Variants in MAP1B observed in about 807,000 individuals in gnomAD.
MAP1B encodes microtubule-associated protein 1B.
A neutral mutation model predicts 176.1 loss-of-function variants in MAP1B; 12 were observed. The observed-to-expected ratio is 0.07, with a 90% CI of 0.04 to 0.11. MAP1B has a LOEUF of 0.11. MAP1B is among the 10% of genes least tolerant of loss of function. The pLI is 1.00. For synonymous variants in MAP1B, 1,044 were observed against 1,135.0 expected, an observed-to-expected ratio of 0.92 and a Z score of 1.61; for missense variants, 2,523 against 2,990.5, an observed-to-expected ratio of 0.84 and a Z score of 3.65.
chr5:72,200,737 C>T (rs545416406), intron 5 of MAP1B, among the ~76,000 whole-genome samples: 3 of 152,184 alleles, frequency 2.0e-5, no homozygotes, highest in African/African-American at 7.2e-5. Context: ...CAGGGTAACA[C>T]AGGCCAGGAG....
In MAP1B at chr5:72,196,356, G is replaced by A. The variant is rs144088322; in HGVS notation, c.3001G>A (p.Glu1001Lys). 3.5e-5 allele frequency: 56 copies of A among 1,613,982 alleles called. No individual in the cohort carries two copies. The highest frequency in any genetic ancestry group is 5.0e-5 in the Admixed American group (3 of 59,996). ...ESVASGDDRA[E>K]EDMDEAIEKG... Reference sequence around the variant, plus strand: ...TGTGGCCAGTGGGGATGACCGAGCCGAAGAAGACATGGATGAGGCCATTGA... The same window carrying A: ...TGTGGCCAGTGGGGATGACCGAGCCAAAGAAGACATGGATGAGGCCATTGA... Residue 1001 changes from glutamate to lysine, a missense_variant, in exon 5 of 7, where the codon GAA becomes AAA. By Grantham distance (56) the Glu-to-Lys change is moderately conservative. Around this residue, in one of 4 missense-constraint regions of MAP1B, gnomAD observed 1,925 missense variants for 2,126.0 expected, o/e 0.91. Coordinates refer to ENST00000296755, the MANE Select transcript of MAP1B (RefSeq NM_005909.5). The surrounding 1 kb of genome is among the most constrained non-coding windows in gnomAD (Gnocchi z 5.3).
In MAP1B at chr5:72,200,113, A is replaced by G. The variant is rs1302645674; in HGVS notation, c.6758A>G (p.Lys2253Arg). ...TKTKKPGTKT[K>R]SSSPVKKSDG... ...ACCAAAAAGCCAGGTACAAAGACCA[A>G]GTCATCTTCACCTGTCAAAAAGAGT... The change falls in exon 5 of 7, where the codon AAG becomes AGG. Residue 2253 changes from lysine to arginine, a missense_variant. Transcript: ENST00000296755. 12 of 1,614,114 alleles carry G rather than the reference A, an allele frequency of 7.4e-6. No individual in the cohort carries two copies. The highest frequency in any genetic ancestry group is 9.3e-6 in the Non-Finnish European group (11 of 1,180,058).
At chr5:72,125,061 A>C (rs182830529) in intron 2 of MAP1B, among the ~76,000 whole-genome samples, 2 of 152,132 alleles carry the variant, frequency 1.3e-5, no homozygotes, top group African/African-American at 4.8e-5. Flanking sequence ...AAAACCTCTC[A>C]CTTGGAAGTT....
intron 4 of MAP1B, among the ~76,000 whole-genome samples, chr5:72,188,958 G>A (rs1580015078): frequency 6.6e-6 from 1 of 152,248 alleles, no homozygotes; most frequent in East Asian, 1.9e-4. Flanking sequence ...CAGCCTTTTG[G>A]AGCTAGGATT....
In MAP1B at chr5:72,208,785, C is replaced by T. The variant is rs1307613215; in HGVS notation, c.*3546C>T. 1 of 152,172 alleles carries T rather than the reference C, an allele frequency of 6.6e-6. No individual in the cohort carries two copies. The highest frequency in any genetic ancestry group is 2.4e-5 in the African/African-American group (1 of 41,418). The allele number at this position is 152,172 out of a possible 1,614,324, so 9.4% of individuals were successfully genotyped here. A position where few individuals can be genotyped will look rare whatever the true frequency, so the allele number is the denominator to read the frequency against. ...TTTTCCCTCTGTTACCAAATTTCAG[C>T]TCTTAGGAGCTGCTCTACAATTCTG... is the stretch of plus-strand genomic sequence containing the variant. On this transcript the variant is annotated 3_prime_UTR_variant, in exon 7 of 7. Transcript: ENST00000296755.
At chr5:72,175,086 A>T (rs113597326) in intron 2 of MAP1B, among the ~76,000 whole-genome samples, 1 of 123,586 alleles carries the variant, frequency 8.1e-6, no homozygotes, top group Admixed American at 1.1e-4. Flanking sequence ...CCTTCTTTTG[A>T]CAGGATTTCA....
intron 2 of MAP1B, among the ~76,000 whole-genome samples, chr5:72,160,081 C>G (rs1746299530): frequency 6.6e-6 from 1 of 152,072 alleles, no homozygotes; most frequent in African/African-American, 2.4e-5. Context: ...TTCAGCCATT[C>G]CTTTATCTTC....
chr5:72,171,548 C>G (rs990707517), intron 2 of MAP1B, among the ~76,000 whole-genome samples: 1 of 152,134 alleles, frequency 6.6e-6, no homozygotes, highest in African/African-American at 2.4e-5. Context: ...CATGTTCATG[C>G]CACTGCACTC....
intron 2 of MAP1B, among the ~76,000 whole-genome samples, chr5:72,136,604 T>A (rs1248794412): frequency 6.6e-6 from 1 of 152,178 alleles, no homozygotes; most frequent in Non-Finnish European, 1.5e-5. Flanking sequence ...TTGTTTTTCA[T>A]AATCATTTTA....
At chr5:72,188,457 T>C (rs1409672570) in intron 4 of MAP1B, among the ~76,000 whole-genome samples, 1 of 152,206 alleles carries the variant, frequency 6.6e-6, no homozygotes, top group Non-Finnish European at 1.5e-5. Context: ...AGTTATTTTC[T>C]AGTGGTTGGT....
intron 2 of MAP1B, among the ~76,000 whole-genome samples, chr5:72,145,639 A>G (rs998032921): frequency 2.0e-5 from 3 of 152,206 alleles, no homozygotes; most frequent in East Asian, 1.9e-4. Context: ...TCACCTGACA[A>G]TATTCCATTC....
At chr5:72,126,196 C>T (rs1225003360) in intron 2 of MAP1B, among the ~76,000 whole-genome samples, 2 of 152,156 alleles carry the variant, frequency 1.3e-5, no homozygotes, top group Admixed American at 6.5e-5. Flanking sequence ...GACCAGGAAG[C>T]CTGACCTAGT....
chr5:72,197,407 A>G lies in MAP1B; in HGVS notation c.4052A>G (p.Glu1351Gly). The G allele has an allele frequency of 1.2e-6, 2 of 1,614,214 alleles. No individual in the cohort carries two copies. The highest frequency in any genetic ancestry group is 1.7e-6 in the Non-Finnish European group (2 of 1,180,030). ...TDEKSSHLPT[E>G]VIEKPPAVPV... is the part of the protein sequence containing the mutation. ...GAGAAATCCAGTCATCTCCCTACAG[A>G]AGTCATTGAAAAACCACCAGCAGTT... The change falls in exon 5 of 7, where the codon GAA becomes GGA. Residue 1351 changes from glutamate (E) to glycine (G), a missense_variant. Glu to Gly is a moderately conservative substitution (Grantham distance 98). Around this residue, in one of 4 missense-constraint regions of MAP1B, gnomAD observed 1,925 missense variants for 2,126.0 expected, o/e 0.91. Coordinates refer to ENST00000296755, the MANE Select transcript of MAP1B (RefSeq NM_005909.5).
Position 72,195,041 on chromosome 5 carries a change from A to G in MAP1B, c.1686A>G (p.Lys562=). The G allele has an allele frequency of 6.2e-7, 1 of 1,614,152 alleles. No individual in the cohort carries two copies. The highest frequency in any genetic ancestry group is 8.5e-7 in the Non-Finnish European group (1 of 1,180,028). ...LPSKSVRKES[K]EETPEVTKVN... is the part of the protein sequence containing the mutation. ...GCAAATCCGTGCGCAAGGAGTCAAA[A>G]GAAGAAACCCCTGAGGTCACAAAAG... The change falls in exon 5 of 7, where the codon AAA becomes AAG. Residue 562 remains lysine, a synonymous_variant. Transcript: ENST00000296755.
At position 72,117,267 on chromosome 5, in the gene MAP1B, C is replaced by T. The variant is rs560594850; in HGVS notation, c.286+1468C>T. ...TTGTATTTTTGTCTTGCGATATCTC[C>T]GTATCTTTTAAAACCATCTCACAAA... On this transcript the variant is annotated intron_variant, in intron 2 of 6. Transcript: ENST00000296755. 8.5e-5 allele frequency among the ~76,000 whole-genome samples: 13 copies of T among 152,202 alleles called. No homozygotes were observed. In the South Asian group the frequency reaches 1.9e-3, roughly 22 times the overall value.
chr5:72,148,318 C>T (rs560569829), intron 2 of MAP1B, among the ~76,000 whole-genome samples: 8 of 152,286 alleles, frequency 5.3e-5, no homozygotes, highest in African/African-American at 1.7e-4. Context: ...AACAGTCCCT[C>T]AGCCCCTCTG....
chr5:72,121,172 G>A (rs576965459), intron 2 of MAP1B, among the ~76,000 whole-genome samples: 2 of 152,326 alleles, frequency 1.3e-5, no homozygotes, highest in East Asian at 1.9e-4. Flanking sequence ...GTCAGGGAAC[G>A]TGTGCACAGT....
chr5:72,142,861 AT>A (rs1184193968), intron 2 of MAP1B, among the ~76,000 whole-genome samples: 1 of 152,026 alleles, frequency 6.6e-6, no homozygotes, highest in African/African-American at 2.4e-5. Context: ...TTTTTATTCT[AT>A]TTCTTAATAG....
chr5:72,108,678 C>T (rs968761325), intron 1 of MAP1B, among the ~76,000 whole-genome samples: 2 of 152,250 alleles, frequency 1.3e-5, no homozygotes, highest in South Asian at 4.1e-4. Flanking sequence ...CCGCCCGCCA[C>T]ACCTGCCCCC....
Sources: allele counts gnomAD v4.1 joint callset (sites outside exome capture counted in the v4.1 genomes callset), GRCh38; gene constraint gnomAD v4.1.1; regional missense constraint gnomAD v4.1.1; non-coding constraint Gnocchi (gnomAD v3.1); transcripts MANE v1.5; gene names NCBI Gene and HGNC (gene_info 2026-07-23, HGNC 2026-07-21).